The following TRIO variants were observed in gnomAD, a reference collection of about 807,000 sequenced individuals.
TRIO encodes triple functional domain protein.
TRIO carries 58 observed loss-of-function variants against 351.9 expected under a neutral mutation model. The ratio of observed to expected loss-of-function variants is 0.16; its 90% CI spans 0.13 to 0.21. The LOEUF (loss-of-function observed/expected upper bound fraction) is 0.21, where lower values mean the gene tolerates loss of function less well. TRIO is among the 10% of genes least tolerant of loss of function. TRIO has a pLI of 1.00. For synonymous variants in TRIO, 1,758 were observed against 1,595.7 expected (o/e 1.10, Z -2.42); for missense variants, 3,201 against 4,027.8 (o/e 0.79, Z 5.56).
chr5:14,194,650 A>G (rs971281877), intron 1 of TRIO, among the ~76,000 whole-genome samples: 5 of 152,258 alleles, frequency 3.3e-5, no homozygotes, highest in African/African-American at 1.2e-4. Flanking sequence ...AGTCATTGCC[A>G]GTGGCAAAGT....
chr5:14,475,608 G>A (rs1313065955), intron 40 of TRIO, among the ~76,000 whole-genome samples: 1 of 152,218 alleles, frequency 6.6e-6, no homozygotes, highest in Admixed American at 6.5e-5. Context: ...TGGATTTACA[G>A]ATAAATGATC....
chr5:14,389,367 A>C lies in TRIO; in HGVS notation c.4027A>C (p.Asn1343His). ...AAACAAAGAACTCATCATCTTCGGAAACATGCAAGAAATCTACGAATTTCA... is the reference window on the plus strand; with the variant it reads ...AAACAAAGAACTCATCATCTTCGGACACATGCAAGAAATCTACGAATTTCA... ...IVNKELIIFGNMQEIYEFHNN... is the reference protein window; with the variant it reads ...IVNKELIIFGHMQEIYEFHNN... The change falls in exon 25 of 57, where the codon AAC (asparagine) becomes CAC (histidine). Residue 1343 changes from asparagine to histidine, a missense_variant. Physicochemically the swap from Asn to His is moderately conservative, Grantham distance 68. This residue lies in a region of TRIO where 115 missense variants were observed against 239.6 expected (regional missense o/e 0.48). Transcript: ENST00000344204. 2.5e-6 allele frequency: 4 copies of C among 1,611,190 alleles called. No individual in the cohort carries two copies. Among genetic ancestry groups the C allele is most frequent in the Non-Finnish European group, 3.4e-6 (4 of 1,179,012 alleles).
At chr5:14,382,493 C>T (rs571477508) in intron 21 of TRIO, among the ~76,000 whole-genome samples, 44 of 151,966 alleles carry the variant, frequency 2.9e-4, no homozygotes, top group Non-Finnish European at 5.7e-4. Context: ...GCATGGGGGG[C>T]GCAGCAAGAA....
chr5:14,464,095 G>A (rs1754048886), intron 36 of TRIO, among the ~76,000 whole-genome samples: 1 of 152,004 alleles, frequency 6.6e-6, no homozygotes, highest in Admixed American at 6.5e-5. Flanking sequence ...GAAGGAACAG[G>A]GAGCCTGAGG....
chr5:14,330,993 T>G, intron 10 of TRIO, 93 bp downstream of exon 10: 2 of 1,558,872 alleles, frequency 1.3e-6, no homozygotes, highest in Non-Finnish European at 1.7e-6. Context: ...AAGTTAGCAT[T>G]AGCTCGATGT....
chr5:14,143,722 A>G lies in TRIO; in HGVS notation c.-4A>G. On this transcript the variant is annotated 5_prime_UTR_variant, in exon 1 of 57. Transcript: ENST00000344204. Reference sequence around the variant, plus strand: ...CGGGCGCGGCCGCGGGCGCCGCCGCAGCCATGAGCGGCAGCAGCGGCGGAG... The same window carrying G: ...CGGGCGCGGCCGCGGGCGCCGCCGCGGCCATGAGCGGCAGCAGCGGCGGAG... 3 of 976,060 alleles carry G rather than the reference A, an allele frequency of 3.1e-6. No individual in the cohort carries two copies. The highest frequency in any genetic ancestry group is 3.6e-6 in the Non-Finnish European group (3 of 825,660). The allele number at this position is 976,060 out of a possible 1,614,324, so 60.5% of individuals were successfully genotyped here.
At chr5:14,347,831 C>T (rs1320296161) in intron 11 of TRIO, among the ~76,000 whole-genome samples, 1 of 152,156 alleles carries the variant, frequency 6.6e-6, no homozygotes, top group African/African-American at 2.4e-5. Context: ...TAGACAAGGG[C>T]CTGTCAGATA....
At chr5:14,206,593 C>A (rs1339906553) in intron 1 of TRIO, among the ~76,000 whole-genome samples, 3 of 152,194 alleles carry the variant, frequency 2.0e-5, no homozygotes, top group Non-Finnish European at 4.4e-5. Context: ...TCTGTTCTGG[C>A]ATGTGCCTAA....
chr5:14,403,647 TGGTGGTGAGGGTGCA>T (rs1748398262), intron 31 of TRIO, among the ~76,000 whole-genome samples: 6 of 129,590 alleles, frequency 4.6e-5, no homozygotes, highest in Non-Finnish European at 6.5e-5. Flanking sequence ...AGGGTGCAGG[TGGTGGTGAGGGTGCA>T]GGTGGTGGTG....
At chr5:14,266,032 G>C (rs186301621) in intron 1 of TRIO, among the ~76,000 whole-genome samples, 19 of 152,052 alleles carry the variant, frequency 1.2e-4, no homozygotes, top group African/African-American at 2.2e-4. Context: ...TTGATTGATT[G>C]ATTCATTCAT....
chr5:14,208,941 A>T (rs1004250277), intron 1 of TRIO, among the ~76,000 whole-genome samples: 12 of 152,244 alleles, frequency 7.9e-5, no homozygotes, highest in Admixed American at 2.6e-4. Context: ...GTAAAACTGG[A>T]TTGTGATGTT....
chr5:14,399,456 C>T (rs890878480), intron 30 of TRIO: 3 of 267,314 alleles, frequency 1.1e-5, no homozygotes, highest in Non-Finnish European at 2.1e-5. Flanking sequence ...TATATGGAAA[C>T]AGCCTTACTG....
intron 1 of TRIO, among the ~76,000 whole-genome samples, chr5:14,144,850 C>G (rs1045470143): frequency 6.6e-6 from 1 of 151,952 alleles, no homozygotes; most frequent in African/African-American, 2.4e-5. Context: ...CCCGCGTCCC[C>G]GCGCCCAGTC....
intron 1 of TRIO, among the ~76,000 whole-genome samples, chr5:14,268,459 A>G (rs1795811659): frequency 1.3e-5 from 2 of 152,162 alleles, no homozygotes; most frequent in Admixed American, 6.5e-5. Flanking sequence ...GTGACTCACA[A>G]GTGGGGCTCT....
At chr5:14,484,962 T>C in intron 46 of TRIO, 107 bp from the exon 47 acceptor site, 1 of 1,225,742 alleles carries the variant, frequency 8.2e-7, no homozygotes, top group Non-Finnish European at 1.1e-6. Context: ...GCTGAAAAAC[T>C]GTCCACATAG....
chr5:14,430,603 G>A (rs549910685), intron 34 of TRIO, among the ~76,000 whole-genome samples: 1 of 152,190 alleles, frequency 6.6e-6, no homozygotes, highest in Non-Finnish European at 1.5e-5. Context: ...GGCTCTCCTA[G>A]TGGGCCTTGG....
In TRIO at chr5:14,487,730, G is replaced by A; in HGVS notation, c.7102G>A (p.Gly2368Ser). The A allele has an allele frequency of 7.0e-7, 1 of 1,436,414 alleles. No homozygotes were observed. Among genetic ancestry groups the A allele is most frequent in the Non-Finnish European group, 9.2e-7 (1 of 1,086,280 alleles). 89.0% of individuals were successfully genotyped at this position (1,436,414 alleles called of 1,614,324 possible). A position where few individuals can be genotyped will look rare whatever the true frequency, so the allele number is the denominator to read the frequency against. Residue 2368 changes from glycine to serine, a missense_variant, in exon 48 of 57, where the codon GGT (glycine) becomes AGT (serine). Coordinates refer to ENST00000344204, the MANE Select transcript of TRIO (RefSeq NM_007118.4). Reference sequence around the variant, plus strand: ...CCAGGCAGAGGCAGACAAGATGTCAGGTACGTCCACCCCCGGGCCCTCCCT... The same window carrying A: ...CCAGGCAGAGGCAGACAAGATGTCAAGTACGTCCACCCCCGGGCCCTCCCT... The part of the protein sequence containing the change: ...SSQAEADKMS[G>S]TSTPGPSLPP...
intron 48 of TRIO, chr5:14,488,982 C>T (rs779267083): frequency 1.3e-6 from 1 of 764,882 alleles, no homozygotes; most frequent in South Asian, 1.3e-5. Context: ...GGTGGGTTTT[C>T]CCTCTGTTTC....
chr5:14,256,327 C>T (rs951093581), intron 1 of TRIO, among the ~76,000 whole-genome samples: 1 of 152,260 alleles, frequency 6.6e-6, no homozygotes, highest in Middle Eastern at 3.4e-3. Flanking sequence ...ACTCAAACAC[C>T]TCCCACCACG....
Sources: allele counts gnomAD v4.1 joint callset (sites outside exome capture counted in the v4.1 genomes callset), GRCh38; gene constraint gnomAD v4.1.1; regional missense constraint gnomAD v4.1.1; transcripts MANE v1.5; gene names NCBI Gene and HGNC (gene_info 2026-07-23, HGNC 2026-07-21).